The following ZFHX3 variants were observed in gnomAD, a reference collection of about 807,000 sequenced individuals.
ZFHX3 encodes the protein zinc finger homeobox protein 3.
ZFHX3 carries 42 observed loss-of-function variants against 279.1 expected under a neutral mutation model. That is an observed-to-expected ratio of 0.15 (90% CI 0.12 to 0.19). ZFHX3 has a LOEUF of 0.19. ZFHX3 is among the 10% of genes least tolerant of loss of function. ZFHX3 has a pLI of 1.00. For missense variants in ZFHX3, 4,981 were observed against 4,754.0 expected (o/e 1.05, Z -1.40); for synonymous variants, 2,293 against 1,957.8 (o/e 1.17, Z -4.52).
At chr16:73,447,374 G>A (rs945123544) in intron 3 of ZFHX3, among the ~76,000 whole-genome samples, 2 of 152,006 alleles carry the variant, frequency 1.3e-5, no homozygotes, top group African/African-American at 2.4e-5. Context: ...GTACCACAAC[G>A]CTGCTTTTAA....
rs568213643 is a variant in ZFHX3 at position 73,268,482 on chromosome 16, G to A, written c.-1193-11346C>T. Among the ~76,000 whole-genome samples the A allele has an allele frequency of 1.2e-4, 18 of 152,282 alleles. No individual in the cohort carries two copies. In the South Asian group the frequency reaches 3.5e-3, roughly 30 times the overall value. Reference sequence around the variant, plus strand: ...GACAAACTTGTTCTCAGCCACTGGCGCTGCGCCCGACGCAGGGCATGGCTC... The same window carrying A: ...GACAAACTTGTTCTCAGCCACTGGCACTGCGCCCGACGCAGGGCATGGCTC... On this transcript the variant is annotated intron_variant, in intron 4 of 17. Transcript: ENST00000641206.
At chr16:72,916,757 C>T (rs2039452119) in intron 3 of ZFHX3, among the ~76,000 whole-genome samples, 1 of 152,088 alleles carries the variant, frequency 6.6e-6, no homozygotes, top group South Asian at 2.1e-4. Context: ...GGGTAGATTG[C>T]TTAATAAACA....
intron 3 of ZFHX3, among the ~76,000 whole-genome samples, chr16:73,383,602 C>T (rs1249560890): frequency 6.6e-6 from 1 of 150,690 alleles, no homozygotes; most frequent in African/African-American, 2.4e-5. Flanking sequence ...TCTTGCGGCT[C>T]ATCTTTGTGG....
intron 1 of ZFHX3, among the ~76,000 whole-genome samples, chr16:73,813,525 G>C (rs1429352827): frequency 6.6e-6 from 1 of 152,090 alleles, no homozygotes; most frequent in Non-Finnish European, 1.5e-5. Context: ...AAAAAAATGT[G>C]ACTCATGCAG....
At chr16:73,352,609 A>C (rs111346926) in intron 3 of ZFHX3, among the ~76,000 whole-genome samples, 1,954 of 151,086 alleles carry the variant, frequency 0.013, 17 homozygotes, top group Non-Finnish European at 0.019. Context: ...TCTCTCGAGC[A>C]GCTGGGACTA....
At chr16:73,018,796 A>G (rs1026796439) in intron 1 of ZFHX3, among the ~76,000 whole-genome samples, 1 of 152,080 alleles carries the variant, frequency 6.6e-6, no homozygotes, top group African/African-American at 2.4e-5. Flanking sequence ...AGTTTCCTCA[A>G]TGCTTGCCAC....
intron 3 of ZFHX3, among the ~76,000 whole-genome samples, chr16:72,892,779 G>GATAA (rs1269257098): frequency 2.0e-5 from 3 of 152,140 alleles, no homozygotes; most frequent in Non-Finnish European, 4.4e-5. Flanking sequence ...AAGTAGCTGG[G>GATAA]ATTATAGGCG....
At chr16:72,874,126 G>T (rs1263900709) in intron 4 of ZFHX3, among the ~76,000 whole-genome samples, 2 of 151,420 alleles carry the variant, frequency 1.3e-5, no homozygotes, top group African/African-American at 2.4e-5. Context: ...TTAAACAGGT[G>T]GTCTTTCGTG....
At chr16:73,851,087 G>A (rs540253670) in intron 1 of ZFHX3, among the ~76,000 whole-genome samples, 1 of 151,988 alleles carries the variant, frequency 6.6e-6, no homozygotes, top group Admixed American at 6.6e-5. Flanking sequence ...CTTCACTTCC[G>A]AGTTATAGTC....
rs4011546 is a variant in ZFHX3, at chr16:73,399,837, GGTGT to G, written c.-1291+56162_-1291+56165del. Among the ~76,000 whole-genome samples the G allele has an allele frequency of 3.4e-3, 506 of 148,278 alleles. 1 individual carries two copies. The highest frequency in any genetic ancestry group is 0.01 in the South Asian group (47 of 4,628). ...GTGTGGTGTGTGGAGTGTGGTGTGT[GGTGT>G]GTGTGTGTGTGTGTGTGTGTGTGTC... On this transcript the variant is annotated intron_variant, in intron 3 of 17. Coordinates refer to the ZFHX3 transcript ENST00000641206.
chr16:73,486,765 G>T (rs749712507), intron 2 of ZFHX3: 1 of 455,420 alleles, frequency 2.2e-6, no homozygotes, highest in South Asian at 1.6e-5. Flanking sequence ...AATGAAGTTT[G>T]CTTTTATCTG....
intron 5 of ZFHX3, among the ~76,000 whole-genome samples, chr16:73,192,224 C>T (rs191046410): frequency 2.6e-5 from 4 of 152,252 alleles, no homozygotes; most frequent in Admixed American, 2.6e-4. Flanking sequence ...ATCCCACCGC[C>T]GTTGCAAAGC....
intron 4 of ZFHX3, among the ~76,000 whole-genome samples, chr16:73,297,691 T>A (rs1165116361): frequency 6.6e-6 from 1 of 151,936 alleles, no homozygotes; most frequent in Non-Finnish European, 1.5e-5. Flanking sequence ...AGAATGCTGA[T>A]GAGCTTTGGA....
chr16:73,635,375 C>G (rs1316748769), intron 2 of ZFHX3, among the ~76,000 whole-genome samples: 1 of 152,120 alleles, frequency 6.6e-6, no homozygotes, highest in Non-Finnish European at 1.5e-5. Flanking sequence ...AACTATCTGC[C>G]AGAGCTGCAT....
intron 2 of ZFHX3, among the ~76,000 whole-genome samples, chr16:73,596,509 T>C (rs1225938657): frequency 6.6e-6 from 1 of 152,110 alleles, no homozygotes; most frequent in Non-Finnish European, 1.5e-5. Flanking sequence ...CTCTTCCTCC[T>C]GCAAGAGGAT....
At chr16:73,549,516 A>T (rs1038665957) in intron 2 of ZFHX3, among the ~76,000 whole-genome samples, 4 of 152,200 alleles carry the variant, frequency 2.6e-5, no homozygotes, top group African/African-American at 9.6e-5. Flanking sequence ...AATGGTTTAA[A>T]TGGTTATTTT....
At chr16:73,430,930 A>G (rs2017899217) in intron 3 of ZFHX3, among the ~76,000 whole-genome samples, 1 of 152,252 alleles carries the variant, frequency 6.6e-6, no homozygotes, top group Non-Finnish European at 1.5e-5. Flanking sequence ...TACTGGGGAC[A>G]AAATGGGTCA....
At chr16:73,245,874 T>C (rs1280032539) in intron 5 of ZFHX3, among the ~76,000 whole-genome samples, 1 of 152,124 alleles carries the variant, frequency 6.6e-6, no homozygotes, top group Non-Finnish European at 1.5e-5. Flanking sequence ...AGATGACAGA[T>C]GAACTTGTCC....
chr16:72,950,411 G>T, intron 3 of ZFHX3, 58 bp downstream of exon 3: 1 of 1,579,000 alleles, frequency 6.3e-7, no homozygotes, highest in Non-Finnish European at 8.6e-7. Context: ...CTAACTCCCC[G>T]GTGCGCAACC....
Sources: allele counts gnomAD v4.1 joint callset (sites outside exome capture counted in the v4.1 genomes callset), GRCh38; gene constraint gnomAD v4.1.1; transcripts MANE v1.5; gene names NCBI Gene and HGNC (gene_info 2026-07-23, HGNC 2026-07-21).